The following EPCAM variants were observed in gnomAD, a reference collection of about 807,000 sequenced individuals.
EPCAM encodes epithelial cell adhesion molecule, also known as adenocarcinoma-associated antigen.
A neutral mutation model predicts 40.0 loss-of-function variants in EPCAM; 39 were observed. The observed-to-expected ratio is 0.98, with a 90% CI of 0.76 to 1.27. EPCAM has a LOEUF of 1.27. Ranked by LOEUF, EPCAM falls within the 50% of genes most tolerant of loss-of-function variation. The probability of loss-of-function intolerance (pLI) is 0.00; values close to 1 mark genes in which losing one functional copy is unlikely to be tolerated. For synonymous variants in EPCAM, 168 were observed against 132.3 expected, an observed-to-expected ratio of 1.27 and a Z score of -1.85; for missense variants, 503 against 381.2, an observed-to-expected ratio of 1.32 and a Z score of -2.66.
chr2:47,373,641 G>C (rs1222336936), intron 2 of EPCAM, 71 bp downstream of exon 2: 1 of 1,431,200 alleles, frequency 7.0e-7, no homozygotes, highest in South Asian at 1.2e-5. Context: ...TGTGCCTTGA[G>C]TTGGAAAGAG....
chr2:47,377,854 C>T (rs1671467006), intron 5 of EPCAM: 1 of 425,956 alleles, frequency 2.3e-6, no homozygotes, highest in Non-Finnish European at 4.7e-6. Flanking sequence ...TAAAAAGAAG[C>T]TTGAATAGTG....
chr2:47,374,195 C>A (rs990641207), intron 3 of EPCAM, 147 bp downstream of exon 3: 1 of 895,944 alleles, frequency 1.1e-6, no homozygotes, highest in South Asian at 1.5e-5. Flanking sequence ...TTCCAGTCCC[C>A]CTCGCTACCC....
At chr2:47,375,584 G>C (rs777684326) in intron 4 of EPCAM, among the ~76,000 whole-genome samples, 1 of 152,096 alleles carries the variant, frequency 6.6e-6, no homozygotes, top group African/African-American at 2.4e-5. Context: ...TTTCCCAGAA[G>C]CACATGAGAG....
intron 7 of EPCAM, among the ~76,000 whole-genome samples, chr2:47,380,837 G>A (rs1215662116): frequency 1.3e-5 from 2 of 151,898 alleles, no homozygotes; most frequent in African/African-American, 4.8e-5. Context: ...GCCTGTAATC[G>A]CAGCACTTTG....
intron 4 of EPCAM, among the ~76,000 whole-genome samples, chr2:47,375,557 A>G (rs1162174891): frequency 1.3e-5 from 2 of 152,156 alleles, no homozygotes; most frequent in Admixed American, 6.6e-5. Flanking sequence ...CAGTGTATCT[A>G]TGCATGTATA....
chr2:47,370,066 C>G (rs1311249814), intron 1 of EPCAM, among the ~76,000 whole-genome samples: 17 of 152,230 alleles, frequency 1.1e-4, no homozygotes, highest in Admixed American at 9.8e-4. Context: ...AGGGAGGCCT[C>G]CAGGGCCGCT....
rs764523654 is a variant in EPCAM, at chr2:47,373,868, C to T, written c.245C>T (p.Ala82Val). The T allele has an allele frequency of 5.6e-6, 9 of 1,613,990 alleles. No homozygotes were observed. Among genetic ancestry groups the T allele is most frequent in the Non-Finnish European group, 7.6e-6 (9 of 1,180,006 alleles). The change falls in exon 3 of 9, where the codon GCA (alanine) becomes GTA (valine). Residue 82 changes from alanine (A) to valine (V), a missense_variant. Ala to Val is a moderately conservative substitution (Grantham distance 64, BLOSUM62 0). Coordinates refer to ENST00000263735, the MANE Select transcript of EPCAM (RefSeq NM_002354.3). ...AATGGCTCAAAACTTGGGAGAAGAG[C>T]AAAACCTGAAGGGGCCCTCCAGAAC... ...EMNGSKLGRRAKPEGALQNND... is the reference protein window; with the variant it reads ...EMNGSKLGRRVKPEGALQNND...
chr2:47,369,712 G>C, intron 1 of EPCAM, 131 bp downstream of exon 1: 2 of 997,844 alleles, frequency 2.0e-6, no homozygotes, highest in Non-Finnish European at 3.1e-6. Flanking sequence ...GTGGAGACCG[G>C]ACGGTGCGGC....
At chr2:47,386,146 G>T (rs1671737640) in intron 8 of EPCAM, among the ~76,000 whole-genome samples, 1 of 152,150 alleles carries the variant, frequency 6.6e-6, no homozygotes, top group Non-Finnish European at 1.5e-5. Context: ...TCAACAGAGT[G>T]GTAGTTGTCA....
Position 47,373,689 on chromosome 2 carries a change from G to A in EPCAM, c.184+119G>A, listed in dbSNP as rs562785332. The A allele has an allele frequency of 6.1e-6, 9 of 1,473,280 alleles. No homozygotes were observed. In the African/African-American group the frequency reaches 1.1e-4, roughly 18 times the overall value. The allele number at this position is 1,473,280 out of a possible 1,614,324, so 91.3% of individuals were successfully genotyped here. ...AAATCTGAATCATGTTACAAAGTAA[G>A]TGTGGGAACACATAAATTTCAAATA... On this transcript the variant is annotated intron_variant, in intron 2 of 8. Coordinates refer to ENST00000263735, the MANE Select transcript of EPCAM (RefSeq NM_002354.3).
In EPCAM at chr2:47,370,447, T is replaced by C. The variant is rs937046155; in HGVS notation, c.76+866T>C. 4.6e-5 allele frequency among the ~76,000 whole-genome samples: 7 copies of C among 151,748 alleles called. 1 individual carries two copies. Among genetic ancestry groups the C allele is most frequent in the Admixed American group, 2.0e-4 (3 of 15,222 alleles). ...GCGCGCCACCACCCCCCGCTAATTTTTGTATTGTTAGTAGAGACGGGGTTT... is the reference window on the plus strand; with the variant it reads ...GCGCGCCACCACCCCCCGCTAATTTCTGTATTGTTAGTAGAGACGGGGTTT... On this transcript the variant is annotated intron_variant, in intron 1 of 8. Transcript: ENST00000263735.
chr2:47,383,626 T>C (rs1275180400), intron 7 of EPCAM, among the ~76,000 whole-genome samples: 9 of 78,788 alleles, frequency 1.1e-4, no homozygotes, highest in Non-Finnish European at 1.5e-4. Context: ...TTTTTTTTTT[T>C]TTTTTTTTTT....
Position 47,369,526 on chromosome 2 carries a change from C to G in EPCAM, c.21C>G (p.Leu7=), listed in dbSNP as rs878854487. MAPPQV[L]AFGLLLAAAT... is the part of the protein sequence containing the mutation. ...GCAGCATGGCGCCCCCGCAGGTCCTCGCGTTCGGGCTTCTGCTTGCCGCGG... is the reference window on the plus strand; with the variant it reads ...GCAGCATGGCGCCCCCGCAGGTCCTGGCGTTCGGGCTTCTGCTTGCCGCGG... Residue 7 remains leucine, a synonymous_variant, in exon 1 of 9, where the codon CTC becomes CTG. Coordinates refer to ENST00000263735, the MANE Select transcript of EPCAM (RefSeq NM_002354.3). 1 of 1,573,048 alleles carries G rather than the reference C, an allele frequency of 6.4e-7. No individual in the cohort carries two copies. Among genetic ancestry groups the G allele is most frequent in the Non-Finnish European group, 8.6e-7 (1 of 1,165,206 alleles).
At chr2:47,382,825 A>G (rs1558440003) in intron 7 of EPCAM, among the ~76,000 whole-genome samples, 1 of 152,096 alleles carries the variant, frequency 6.6e-6, no homozygotes. Flanking sequence ...TTATCTTTGG[A>G]TCTGGAATGG....
chr2:47,378,809 A>G (rs1207202018), intron 5 of EPCAM, 144 bp from the exon 6 acceptor site: 1 of 595,832 alleles, frequency 1.7e-6, no homozygotes, highest in Non-Finnish European at 3.0e-6. Context: ...TGATAAACTT[A>G]GTTATCCACT....
intron 4 of EPCAM, among the ~76,000 whole-genome samples, chr2:47,376,558 G>A (rs1037428062): frequency 1.3e-5 from 2 of 152,102 alleles, no homozygotes; most frequent in Non-Finnish European, 2.9e-5. Context: ...CCTCACCCGA[G>A]CCTTGATGTT....
chr2:47,385,341 G>A, intron 8 of EPCAM, 131 bp downstream of exon 8: 3 of 781,994 alleles, frequency 3.8e-6, no homozygotes, highest in Non-Finnish European at 6.8e-6. Flanking sequence ...AGGGTCTTAG[G>A]GACAGTCTTA....
At chr2:47,377,422 C>T (rs916546616) in intron 5 of EPCAM, among the ~76,000 whole-genome samples, 2 of 151,758 alleles carry the variant, frequency 1.3e-5, no homozygotes, top group South Asian at 2.1e-4. Context: ...TTTTTAGTGT[C>T]GGCGGGGTTT....
At chr2:47,379,721 G>A (rs1671530122) in intron 6 of EPCAM, 48 bp from the exon 7 acceptor site, 4 of 1,602,410 alleles carry the variant, frequency 2.5e-6, no homozygotes, top group Non-Finnish European at 3.4e-6. Flanking sequence ...TGTGGCCATG[G>A]TTGGTTTCCT....
Sources: gnomAD v4.1 joint callset for allele counts (sites outside exome capture counted in the v4.1 genomes callset) on GRCh38, gnomAD v4.1.1 for gene constraint, MANE v1.5 for transcripts, NCBI Gene and HGNC (gene_info 2026-07-23, HGNC 2026-07-21) for gene names.